The following GSE1 variants were observed in gnomAD, a reference collection of about 807,000 sequenced individuals.
GSE1 encodes Gse1 coiled-coil protein, also known as genetic suppressor element 1.
A neutral mutation model predicts 112.6 loss-of-function variants in GSE1; 32 were observed. The ratio of observed to expected loss-of-function variants is 0.28; its 90% confidence interval spans 0.21 to 0.38. The LOEUF (loss-of-function observed/expected upper bound fraction) is 0.38, where lower values mean the gene tolerates loss of function less well. GSE1 is among the 10% of genes least tolerant of loss of function. GSE1 has a pLI of 1.00. For synonymous variants in GSE1, 1,115 were observed against 735.6 expected (o/e 1.52, Z -8.35); for missense variants, 2,348 against 1,699.2 (o/e 1.38, Z -6.71).
rs75958973 is a variant in GSE1, at chr16:85,374,718, G to A, written c.2464+17075G>A. On this transcript the variant is annotated intron_variant, in intron 2 of 2. Transcript: ENST00000637419. ...GGGGGTGGATGGGCCCAGTGGATGC[G>A]TTCGAGCTGCTGGTTTGGTGAGGGC... Among the ~76,000 whole-genome samples the A allele has an allele frequency of 5.6e-3, 848 of 152,272 alleles. 17 individuals are homozygous for A. Among genetic ancestry groups the A allele is most frequent in the East Asian group, 0.047 (243 of 5,174 alleles).
chr16:85,426,533 G>GATGGGTGC (rs1175063442), intron 2 of GSE1, among the ~76,000 whole-genome samples: 3 of 151,220 alleles, frequency 2.0e-5, no homozygotes, highest in Non-Finnish European at 1.5e-5. Context: ...AGGGTGGGTG[G>GATGGGTGC]ATGGATGGAT....
chr16:85,536,399 C>A (rs763830533), intron 2 of GSE1, among the ~76,000 whole-genome samples: 6 of 152,200 alleles, frequency 3.9e-5, no homozygotes, highest in African/African-American at 1.2e-4. Context: ...GCAGGACGGT[C>A]GGCCAAGCAG....
chr16:85,484,792 T>G (rs1018695294), intron 2 of GSE1, among the ~76,000 whole-genome samples: 2 of 152,222 alleles, frequency 1.3e-5, no homozygotes, highest in African/African-American at 4.8e-5. Flanking sequence ...GCTCTGTGCC[T>G]GGGGTGGCCC....
chr16:85,198,464 C>A (rs557073587), intron 1 of GSE1, among the ~76,000 whole-genome samples: 1 of 152,132 alleles, frequency 6.6e-6, no homozygotes, highest in Admixed American at 6.5e-5. Context: ...CTGCCAGGAG[C>A]TGACCTTGCG....
At chr16:85,445,143 A>C (rs2049477441) in intron 2 of GSE1, among the ~76,000 whole-genome samples, 2 of 152,142 alleles carry the variant, frequency 1.3e-5, no homozygotes. Flanking sequence ...CCTTGTTCTG[A>C]GCCACCTGAG....
chr16:85,457,014 G>T (rs961476896), intron 2 of GSE1, among the ~76,000 whole-genome samples: 19 of 152,152 alleles, frequency 1.2e-4, no homozygotes, highest in Admixed American at 1.2e-3. Context: ...CTTTCTGGGG[G>T]CTCGAAAGAA....
At chr16:85,470,507 T>G (rs1347414308) in intron 2 of GSE1, among the ~76,000 whole-genome samples, 5 of 152,344 alleles carry the variant, frequency 3.3e-5, no homozygotes, top group Non-Finnish European at 7.3e-5. Flanking sequence ...GCTCTATGTG[T>G]GGCTTCTTGG....
intron 1 of GSE1, among the ~76,000 whole-genome samples, chr16:85,173,273 A>G (rs1405117732): frequency 1.3e-5 from 2 of 152,210 alleles, no homozygotes; most frequent in South Asian, 4.1e-4. Context: ...GACAACACTC[A>G]GTCAGTAGGT....
chr16:85,393,035 T>C (rs1007260809), intron 2 of GSE1, among the ~76,000 whole-genome samples: 2 of 152,212 alleles, frequency 1.3e-5, no homozygotes, highest in Non-Finnish European at 1.5e-5. Context: ...GAGGATCAGA[T>C]AGAGGCCCTG....
intron 1 of GSE1, among the ~76,000 whole-genome samples, chr16:85,572,201 A>G (rs1404591429): frequency 1.3e-5 from 2 of 149,228 alleles, no homozygotes; most frequent in Non-Finnish European, 3.0e-5. Flanking sequence ...CACACACAAC[A>G]CACACAGCAC....
intron 3 of GSE1, among the ~76,000 whole-genome samples, chr16:85,650,895 C>T (rs1567720766): frequency 6.6e-6 from 1 of 152,000 alleles, no homozygotes; most frequent in Non-Finnish European, 1.5e-5. Context: ...GGGGTCACCC[C>T]TCTCTCCCAG....
intron 1 of GSE1, among the ~76,000 whole-genome samples, chr16:85,217,722 A>G (rs1160542980): frequency 6.6e-6 from 1 of 152,168 alleles, no homozygotes; most frequent in Non-Finnish European, 1.5e-5. Context: ...AAAGCCGAAC[A>G]GCCCAGCGGA....
intron 1 of GSE1, among the ~76,000 whole-genome samples, chr16:85,235,002 T>G (rs1332600015): frequency 1.3e-5 from 2 of 151,428 alleles, no homozygotes; most frequent in Admixed American, 6.6e-5. Flanking sequence ...CTGATCCCCC[T>G]CCTGGCTCCT....
chr16:85,469,828 G>A (rs1351433697), intron 2 of GSE1, among the ~76,000 whole-genome samples: 1 of 152,234 alleles, frequency 6.6e-6, no homozygotes, highest in Non-Finnish European at 1.5e-5. Context: ...TGCTGAAGCG[G>A]GTCCCCTAAC....
rs894870776 is a variant in GSE1, at chr16:85,548,640, T to C, written c.2465-85274T>C. ...TAGGTACCACATTCTCTAGATTCCTTCGTCCGTGTTGGACACCGAGGTTGA... is the reference window on the plus strand; with the variant it reads ...TAGGTACCACATTCTCTAGATTCCTCCGTCCGTGTTGGACACCGAGGTTGA... On this transcript the variant is annotated intron_variant, in intron 2 of 2. Transcript: ENST00000637419. Among the ~76,000 whole-genome samples the C allele has an allele frequency of 3.3e-5, 5 of 152,346 alleles. No individual in the cohort carries two copies. In the South Asian group the frequency reaches 8.3e-4, roughly 25 times the overall value.
chr16:85,309,633 T>C (rs2045778249), intron 1 of GSE1, among the ~76,000 whole-genome samples: 1 of 152,244 alleles, frequency 6.6e-6, no homozygotes, highest in Admixed American at 6.5e-5. Context: ...CGGGAGCAGC[T>C]TCCACAGTGC....
chr16:85,266,000 C>G (rs1908200512), intron 1 of GSE1, among the ~76,000 whole-genome samples: 1 of 152,116 alleles, frequency 6.6e-6, no homozygotes. Context: ...GCCTGCGGGT[C>G]CTTGGACAGA....
chr16:85,390,943 G>A (rs1263957753), intron 2 of GSE1, among the ~76,000 whole-genome samples: 1 of 152,240 alleles, frequency 6.6e-6, no homozygotes, highest in Non-Finnish European at 1.5e-5. Context: ...GAGGGGCCGG[G>A]CAACGCGGGG....
chr16:85,474,830 A>G (rs1176746328), intron 2 of GSE1, among the ~76,000 whole-genome samples: 1 of 152,090 alleles, frequency 6.6e-6, no homozygotes, highest in Admixed American at 6.5e-5. Flanking sequence ...CCCTTGTGCC[A>G]GTTTCCGAAA....
Sources: gnomAD v4.1 joint callset for allele counts (sites outside exome capture counted in the v4.1 genomes callset) on GRCh38, gnomAD v4.1.1 for gene constraint, MANE v1.5 for transcripts, NCBI Gene and HGNC (gene_info 2026-07-23, HGNC 2026-07-21) for gene names.